Variants in SGCZ observed in about 807,000 individuals in gnomAD.
SGCZ encodes the protein sarcoglycan zeta.
A neutral mutation model predicts 41.3 loss-of-function variants in SGCZ; 40 were observed. That is an observed-to-expected ratio of 0.97 (90% CI 0.75 to 1.26). The LOEUF is 1.26. Among genes scored for constraint, SGCZ ranks in the 50% most tolerant of loss-of-function variants. SGCZ has a pLI of 0.00. For missense variants in SGCZ, 552 were observed against 369.8 expected, an observed-to-expected ratio of 1.49 and a Z score of -4.04; for synonymous variants, 206 against 137.5, an observed-to-expected ratio of 1.50 and a Z score of -3.49.
At chr8:14,286,502 G>T (rs1800636220) in intron 3 of SGCZ, among the ~76,000 whole-genome samples, 2 of 152,124 alleles carry the variant, frequency 1.3e-5, no homozygotes, top group Non-Finnish European at 2.9e-5. Context: ...GCGTGTTGAA[G>T]AGTGTTCTGA....
intron 1 of SGCZ, among the ~76,000 whole-genome samples, chr8:14,557,256 T>C (rs1455342081): frequency 1.3e-5 from 2 of 149,520 alleles, no homozygotes; most frequent in Admixed American, 1.3e-4. Context: ...TCTATTTATG[T>C]CCTTACCCAC....
At chr8:14,137,543 T>C (rs547713955) in intron 5 of SGCZ, among the ~76,000 whole-genome samples, 77 of 152,268 alleles carry the variant, frequency 5.1e-4, no homozygotes, top group African/African-American at 1.8e-3. Context: ...CACAAGCTTC[T>C]GTAGATGATT....
chr8:14,545,278 T>A (rs577218036), intron 2 of SGCZ, among the ~76,000 whole-genome samples: 1 of 152,268 alleles, frequency 6.6e-6, no homozygotes, highest in African/African-American at 2.4e-5. Flanking sequence ...AGGACAGTGA[T>A]GCTATTATTA....
chr8:14,172,880 T>C (rs556382458), intron 4 of SGCZ, among the ~76,000 whole-genome samples: 3 of 152,180 alleles, frequency 2.0e-5, no homozygotes, highest in Non-Finnish European at 2.9e-5. Flanking sequence ...GCATTGTACA[T>C]GGACAGGATG....
intron 1 of SGCZ, among the ~76,000 whole-genome samples, chr8:15,233,914 T>G (rs1279942349): frequency 6.6e-6 from 1 of 152,184 alleles, no homozygotes; most frequent in Non-Finnish European, 1.5e-5. Flanking sequence ...ACTCATGATG[T>G]ATTTTATATT....
intron 1 of SGCZ, among the ~76,000 whole-genome samples, chr8:15,179,299 A>G (rs268354): frequency 0.89 from 135,932 of 152,190 alleles, 60,697 homozygotes; most frequent in South Asian, 0.91. Context: ...TTATCTCTTC[A>G]TTAGACTTCT....
At chr8:14,220,056 G>A (rs1390461545) in intron 4 of SGCZ, among the ~76,000 whole-genome samples, 1 of 151,982 alleles carries the variant, frequency 6.6e-6, no homozygotes, top group Admixed American at 6.6e-5. Context: ...TAACATTGAC[G>A]GTCCAAAAAT....
intron 2 of SGCZ, among the ~76,000 whole-genome samples, chr8:14,393,761 A>G (rs561946105): frequency 3.9e-5 from 6 of 152,276 alleles, no homozygotes; most frequent in African/African-American, 1.4e-4. Context: ...CACCCTAGAC[A>G]ACCCAGCCGC....
intron 1 of SGCZ, among the ~76,000 whole-genome samples, chr8:14,685,121 G>C (rs1306778926): frequency 2.6e-5 from 4 of 152,026 alleles, no homozygotes; most frequent in East Asian, 3.9e-4. Context: ...TTAAAACTAA[G>C]TTTAAATATT....
intron 2 of SGCZ, 28 bp downstream of exon 2, chr8:14,554,704 T>C: frequency 6.3e-7 from 1 of 1,575,958 alleles, no homozygotes; most frequent in Middle Eastern, 1.7e-4. Flanking sequence ...CCAAGAGCAA[T>C]AAGATGTAAA....
chr8:15,233,420 T>C (rs1802021867), intron 1 of SGCZ, among the ~76,000 whole-genome samples: 1 of 152,146 alleles, frequency 6.6e-6, no homozygotes, highest in Non-Finnish European at 1.5e-5. Flanking sequence ...GAATGTACTA[T>C]GACATTGCTT....
intron 1 of SGCZ, among the ~76,000 whole-genome samples, chr8:14,581,735 T>G (rs1214185529): frequency 1.3e-5 from 2 of 152,134 alleles, no homozygotes; most frequent in Non-Finnish European, 2.9e-5. Context: ...ATGGCAGAGC[T>G]CTTTGAAAAA....
At chr8:15,180,926 C>T (rs268359) in intron 1 of SGCZ, among the ~76,000 whole-genome samples, 76,856 of 151,168 alleles carry the variant, frequency 0.51, 20,243 homozygotes, top group Non-Finnish European at 0.58. Flanking sequence ...GATACCAGCA[C>T]ATAAACTGTA....
At chr8:14,677,778 A>G (rs1292499541) in intron 1 of SGCZ, among the ~76,000 whole-genome samples, 1 of 152,164 alleles carries the variant, frequency 6.6e-6, no homozygotes, top group Admixed American at 6.5e-5. Flanking sequence ...CTAAATAAAT[A>G]AATACATAAA....
intron 5 of SGCZ, among the ~76,000 whole-genome samples, chr8:14,141,681 G>A (rs1803374566): frequency 6.6e-6 from 1 of 152,186 alleles, no homozygotes; most frequent in African/African-American, 2.4e-5. Flanking sequence ...TGCTGGAGAG[G>A]ATGTGGAGAA....
At chr8:14,846,703 CA>C (rs56796907) in intron 1 of SGCZ, among the ~76,000 whole-genome samples, 3,119 of 19,398 alleles carry the variant, frequency 0.16, 68 homozygotes, top group African/African-American at 0.36. Context: ...CCTTTAAATC[CA>C]AAAAAAAAAA....
At chr8:14,321,310 T>A (rs1467888766) in intron 3 of SGCZ, among the ~76,000 whole-genome samples, 1 of 152,078 alleles carries the variant, frequency 6.6e-6, no homozygotes, top group Non-Finnish European at 1.5e-5. Flanking sequence ...TTGGGTTAAC[T>A]TTTGAAAAGC....
chr8:14,374,580 A>AACACAG (rs57503773), intron 2 of SGCZ, among the ~76,000 whole-genome samples: 54,244 of 151,646 alleles, frequency 0.36, 10,684 homozygotes, highest in African/African-American at 0.54. Context: ...GGTTGAGAAG[A>AACACAG]ATGTATTACA....
intron 2 of SGCZ, among the ~76,000 whole-genome samples, chr8:14,524,007 T>C (rs1010931745): frequency 2.0e-5 from 3 of 152,166 alleles, no homozygotes; most frequent in Non-Finnish European, 4.4e-5. Context: ...ATCATTCTGC[T>C]GTTGAAAACA....
Sources: gnomAD v4.1 joint callset for allele counts (sites outside exome capture counted in the v4.1 genomes callset) on GRCh38, gnomAD v4.1.1 for gene constraint, MANE v1.5 for transcripts, NCBI Gene and HGNC (gene_info 2026-07-23, HGNC 2026-07-21) for gene names.